COL23A1: variants seen among roughly 807,000 people sequenced by gnomAD.
The protein encoded by COL23A1 is collagen type XXIII alpha 1 chain, also known as collagen alpha-1(XXIII) chain.
Under a neutral mutation model 99.3 loss-of-function variants are expected in COL23A1, and 97 were observed. The ratio of observed to expected loss-of-function variants is 0.98; its 90% CI spans 0.83 to 1.16. The LOEUF (loss-of-function observed/expected upper bound fraction) is 1.16. Ranked by LOEUF, COL23A1 falls within the 50% of genes most tolerant of loss-of-function variation. COL23A1 has a pLI of 0.00. For synonymous variants in COL23A1, 320 were observed against 308.2 expected, an observed-to-expected ratio of 1.04 and a Z score of -0.40; for missense variants, 762 against 757.4, an observed-to-expected ratio of 1.01 and a Z score of -0.07.
At chr5:178,324,027 C>T (rs1759497256) in intron 2 of COL23A1, among the ~76,000 whole-genome samples, 1 of 152,114 alleles carries the variant, frequency 6.6e-6, no homozygotes, top group African/African-American at 2.4e-5. Flanking sequence ...GGGGTCTCTC[C>T]ATCTATTCAG....
At chr5:178,513,131 C>T (rs1363888954) in intron 2 of COL23A1, among the ~76,000 whole-genome samples, 1 of 150,928 alleles carries the variant, frequency 6.6e-6, no homozygotes, top group Non-Finnish European at 1.5e-5. Flanking sequence ...CTGACCACCT[C>T]ATTCCAGAGG....
At chr5:178,348,413 G>A (rs566331035) in intron 2 of COL23A1, among the ~76,000 whole-genome samples, 4 of 152,180 alleles carry the variant, frequency 2.6e-5, no homozygotes, top group Non-Finnish European at 5.9e-5. Context: ...CAGGGTCAAG[G>A]CCCCATCCTG....
chr5:178,452,088 A>G (rs927080031), intron 2 of COL23A1, among the ~76,000 whole-genome samples: 1 of 152,204 alleles, frequency 6.6e-6, no homozygotes, highest in African/African-American at 2.4e-5. Context: ...AAGGGAGGAT[A>G]AGTCCTATCA....
chr5:178,512,970 C>T (rs1004088273), intron 2 of COL23A1, among the ~76,000 whole-genome samples: 1 of 152,178 alleles, frequency 6.6e-6, no homozygotes, highest in Non-Finnish European at 1.5e-5. Flanking sequence ...GAGGTGTGTG[C>T]CCACCACTCC....
At position 178,255,844 on chromosome 5, in the gene COL23A1, G is replaced by A; in HGVS notation, c.882+509C>T. Reference sequence around the variant, plus strand: ...TTTTTGGAGGAAGAAGCCAGCCTCTGGGAGCATGAGGAGACAGAGCCGAGG... The same window carrying A: ...TTTTTGGAGGAAGAAGCCAGCCTCTAGGAGCATGAGGAGACAGAGCCGAGG... On this transcript the variant is annotated intron_variant, in intron 15 of 28. Coordinates refer to ENST00000390654, the MANE Select transcript of COL23A1 (RefSeq NM_173465.4). This position sits in a 1 kb window ranked among gnomAD's most constrained non-coding sequence, Gnocchi z 4.2. 2.4e-6 allele frequency: 1 copy of A among 412,224 alleles called. No homozygotes were observed. The highest frequency in any genetic ancestry group is 5.0e-6 in the Non-Finnish European group (1 of 201,302). 25.5% of individuals were successfully genotyped at this position (412,224 alleles called of 1,614,324 possible).
intron 11 of COL23A1, among the ~76,000 whole-genome samples, chr5:178,260,171 A>T (rs941861111): frequency 1.3e-5 from 2 of 152,234 alleles, no homozygotes; most frequent in Non-Finnish European, 2.9e-5. Flanking sequence ...GGACAAGCTA[A>T]CATGGTGGGA....
At chr5:178,522,398 C>A (rs146014953) in intron 2 of COL23A1, among the ~76,000 whole-genome samples, 1 of 152,294 alleles carries the variant, frequency 6.6e-6, no homozygotes, top group Non-Finnish European at 1.5e-5. Context: ...ACAGACATCA[C>A]AGCAACAGGA....
rs73344854 is a variant in COL23A1, at chr5:178,313,550, A to G, written c.362-6631T>C. Among the ~76,000 whole-genome samples the G allele has an allele frequency of 0.028, 4,226 of 152,206 alleles. 186 individuals carry two copies. The highest frequency in any genetic ancestry group is 0.097 in the African/African-American group (4,013 of 41,494). ...TGGCATCCCCAAGGTCACACAGTGGAGAAATGGCGGAACTGGAACTGGAAC... is the reference window on the plus strand; with the variant it reads ...TGGCATCCCCAAGGTCACACAGTGGGGAAATGGCGGAACTGGAACTGGAAC... On this transcript the variant is annotated intron_variant, in intron 2 of 28. Coordinates refer to ENST00000390654, the MANE Select transcript of COL23A1 (RefSeq NM_173465.4). The surrounding 1 kb of genome is among the most constrained non-coding windows in gnomAD (Gnocchi z 4.2).
chr5:178,337,205 C>T (rs59548853), intron 2 of COL23A1, among the ~76,000 whole-genome samples: 13,634 of 152,282 alleles, frequency 0.09, 716 homozygotes, highest in Middle Eastern at 0.16. Context: ...GTGGAGCCAT[C>T]CTCCCCACAG....
chr5:178,483,137 T>C (rs550170769), intron 2 of COL23A1, among the ~76,000 whole-genome samples: 1 of 152,272 alleles, frequency 6.6e-6, no homozygotes, highest in South Asian at 2.1e-4. Context: ...GCCAAAATTT[T>C]AAAATGTGAA....
At chr5:178,554,107 A>G (rs556043651) in intron 2 of COL23A1, among the ~76,000 whole-genome samples, 34 of 152,076 alleles carry the variant, frequency 2.2e-4, no homozygotes, top group African/African-American at 6.5e-4. Flanking sequence ...CGGGCCACGC[A>G]GCCTAGATGG....
In COL23A1 at chr5:178,546,066, C is replaced by T. The variant is rs577325968; in HGVS notation, c.361+14616G>A. ...GATTCCAAGGAGCCGGGAGGCTGCC[C>T]GGGAGGTGCTCACCCTATGTCTCAG... is the stretch of plus-strand genomic sequence containing the variant. On this transcript the variant is annotated intron_variant, in intron 2 of 28. Coordinates refer to ENST00000390654, the MANE Select transcript of COL23A1 (RefSeq NM_173465.4). Among the ~76,000 whole-genome samples, 6 of 152,108 alleles carry T rather than the reference C, an allele frequency of 3.9e-5. No individual in the cohort carries two copies. The East Asian group carries it at 7.8e-4, about 20-fold the overall frequency.
chr5:178,429,386 G>A (rs1033302258), intron 2 of COL23A1, among the ~76,000 whole-genome samples: 4 of 152,178 alleles, frequency 2.6e-5, no homozygotes, highest in African/African-American at 9.7e-5. Context: ...GCCTCACGGT[G>A]TGAAAGAAAA....
At chr5:178,527,837 G>A (rs573231119) in intron 2 of COL23A1, among the ~76,000 whole-genome samples, 16 of 152,328 alleles carry the variant, frequency 1.1e-4, no homozygotes, top group South Asian at 8.3e-4. Context: ...CAAATGCAGC[G>A]TCTTGTTCCT....
intron 3 of COL23A1, among the ~76,000 whole-genome samples, chr5:178,298,622 G>A (rs2913757): frequency 0.65 from 98,872 of 152,002 alleles, 32,776 homozygotes; most frequent in Non-Finnish European, 0.69. Flanking sequence ...TGCTCTCCCT[G>A]GTCCTGATTG....
At chr5:178,319,792 G>T (rs556681140) in intron 2 of COL23A1, among the ~76,000 whole-genome samples, 2 of 152,238 alleles carry the variant, frequency 1.3e-5, no homozygotes, top group Admixed American at 1.3e-4. Flanking sequence ...GGACTGAGGG[G>T]TTTCCCTGGG....
rs1758353678 is a variant in COL23A1, at chr5:178,306,367, T to G, written c.406+508A>C. 1.3e-5 allele frequency among the ~76,000 whole-genome samples: 2 copies of G among 151,004 alleles called. No individual in the cohort carries two copies. The highest frequency in any genetic ancestry group is 2.1e-4 in the South Asian group (1 of 4,740). Reference sequence around the variant, plus strand: ...CTGCTGGGGACTGGGTAGGGGGAGTTCTGGGTGAAGCAGAGACAGCAGGAA... The same window carrying G: ...CTGCTGGGGACTGGGTAGGGGGAGTGCTGGGTGAAGCAGAGACAGCAGGAA... On this transcript the variant is annotated intron_variant, in intron 3 of 28. Transcript: ENST00000390654. This position sits in a 1 kb window ranked among gnomAD's most constrained non-coding sequence, Gnocchi z 4.1.
rs555993248 is a variant in COL23A1, at chr5:178,284,307, A to C, written c.441+4017T>G. 2.0e-4 allele frequency among the ~76,000 whole-genome samples: 31 copies of C among 152,368 alleles called. No homozygotes were observed. The East Asian group carries it at 5.4e-3, about 26-fold the overall frequency. ...CACAAACCTTATCAAAACTAGTTTA[A>C]TCTCTGACTAGTTCTAATTAAAATA... On this transcript the variant is annotated intron_variant, in intron 5 of 28. Coordinates refer to ENST00000390654, the MANE Select transcript of COL23A1 (RefSeq NM_173465.4).
intron 2 of COL23A1, among the ~76,000 whole-genome samples, chr5:178,363,479 T>C (rs545244045): frequency 1.3e-5 from 2 of 152,356 alleles, no homozygotes; most frequent in Non-Finnish European, 2.9e-5. Flanking sequence ...GGGTCAGTCA[T>C]AGTTCTAATT....
Sources: gnomAD v4.1 joint callset for allele counts (sites outside exome capture counted in the v4.1 genomes callset) on GRCh38, gnomAD v4.1.1 for gene constraint, Gnocchi (gnomAD v3.1) non-coding constraint, MANE v1.5 for transcripts, NCBI Gene and HGNC (gene_info 2026-07-23, HGNC 2026-07-21) for gene names.